The following HDAC9 variants were observed in gnomAD, a reference collection of about 807,000 sequenced individuals.
HDAC9 encodes the protein histone deacetylase 9, also known as MEF-2 interacting transcription repressor (MITR) protein.
In HDAC9, 41 loss-of-function variants were observed where a neutral mutation model predicts 139.4. The ratio of observed to expected loss-of-function variants is 0.29; its 90% CI spans 0.23 to 0.38. HDAC9 has a LOEUF of 0.38. Ranked by LOEUF, HDAC9 falls within the 10% of genes least tolerant of loss-of-function variation. The pLI is 1.00. For missense variants in HDAC9, 1,147 were observed against 1,297.0 expected, an observed-to-expected ratio of 0.88 and a Z score of 1.78; for synonymous variants, 517 against 476.2, an observed-to-expected ratio of 1.09 and a Z score of -1.12.
intron 2 of HDAC9, among the ~76,000 whole-genome samples, chr7:18,215,131 A>G (rs1484847342): frequency 6.6e-6 from 1 of 152,114 alleles, no homozygotes; most frequent in African/African-American, 2.4e-5. Flanking sequence ...ATTCTATTCT[A>G]CCCTATTCTA....
At chr7:18,950,791 G>GA (rs2129321816) in intron 23 of HDAC9, among the ~76,000 whole-genome samples, 1 of 151,740 alleles carries the variant, frequency 6.6e-6, no homozygotes, top group South Asian at 2.1e-4. Flanking sequence ...AAAGAAGAAT[G>GA]AAAAAAATAG....
intron 1 of HDAC9, among the ~76,000 whole-genome samples, chr7:18,126,958 CTG>C (rs1784711608): frequency 6.6e-6 from 1 of 152,138 alleles, no homozygotes; most frequent in Admixed American, 6.5e-5. Context: ...CCAGACAAAA[CTG>C]TGAAGTACGT....
At chr7:18,463,662 T>C (rs2128112199) in intron 1 of HDAC9, among the ~76,000 whole-genome samples, 1 of 152,058 alleles carries the variant, frequency 6.6e-6, no homozygotes, top group East Asian at 1.9e-4. Flanking sequence ...TAACTTTTAT[T>C]TCTTTTTCTA....
intron 1 of HDAC9, among the ~76,000 whole-genome samples, chr7:18,445,246 T>G (rs1166106901): frequency 6.6e-6 from 1 of 152,240 alleles, no homozygotes; most frequent in African/African-American, 2.4e-5. Flanking sequence ...GTTAGTTCTA[T>G]TAGCTCAACT....
At chr7:18,790,920 G>A (rs571197549) in intron 16 of HDAC9, among the ~76,000 whole-genome samples, 10 of 152,020 alleles carry the variant, frequency 6.6e-5, no homozygotes, top group Middle Eastern at 3.4e-3. Context: ...ACCCCCACCC[G>A]GCAACTCACA....
At chr7:18,541,064 A>G (rs1812665496) in intron 2 of HDAC9, among the ~76,000 whole-genome samples, 1 of 149,768 alleles carries the variant, frequency 6.7e-6, no homozygotes. Context: ...TACTAAATAC[A>G]TGGCATCTAT....
intron 25 of HDAC9, among the ~76,000 whole-genome samples, chr7:18,991,890 G>GC (rs1427062417): frequency 2.6e-5 from 4 of 152,200 alleles, no homozygotes; most frequent in African/African-American, 9.7e-5. Context: ...TTCTATGAGA[G>GC]CAGGGATGTT....
At chr7:18,871,451 T>C (rs573609223) in intron 21 of HDAC9, among the ~76,000 whole-genome samples, 2 of 152,296 alleles carry the variant, frequency 1.3e-5, no homozygotes, top group Admixed American at 6.5e-5. Context: ...CCATTGCTTT[T>C]AGGAAATATA....
At chr7:18,644,590 A>G in intron 8 of HDAC9, 81 bp from the exon 9 acceptor site, 2 of 1,179,650 alleles carry the variant, frequency 1.7e-6, no homozygotes, top group Non-Finnish European at 2.4e-6. Context: ...TTATGGTAAG[A>G]CCCATTTTCT....
chr7:18,448,911 G>A (rs913511397), intron 1 of HDAC9, among the ~76,000 whole-genome samples: 1 of 152,018 alleles, frequency 6.6e-6, no homozygotes, highest in African/African-American at 2.4e-5. Flanking sequence ...TAATAATAAA[G>A]TGACAGAATC....
chr7:18,299,566 G>A (rs986254482), intron 1 of HDAC9, among the ~76,000 whole-genome samples: 5 of 152,178 alleles, frequency 3.3e-5, no homozygotes, highest in African/African-American at 1.2e-4. Flanking sequence ...CTTGAAATGA[G>A]GTGACATAAT....
At chr7:18,896,627 C>T (rs1343442435) in intron 22 of HDAC9, among the ~76,000 whole-genome samples, 2 of 152,074 alleles carry the variant, frequency 1.3e-5, no homozygotes, top group African/African-American at 2.4e-5. Context: ...CTTTGTCCCT[C>T]ATGAATAACA....
At chr7:18,819,153 A>C (rs1420959155) in intron 17 of HDAC9, among the ~76,000 whole-genome samples, 1 of 152,124 alleles carries the variant, frequency 6.6e-6, no homozygotes. Context: ...TATGGTGCGC[A>C]CTTGCAATCC....
chr7:18,711,110 G>A (rs1314752280), intron 12 of HDAC9, among the ~76,000 whole-genome samples: 1 of 152,054 alleles, frequency 6.6e-6, no homozygotes, highest in African/African-American at 2.4e-5. Flanking sequence ...ATTTAATTTC[G>A]ACAACAATCT....
At chr7:18,918,421 A>G (rs1803402633) in intron 22 of HDAC9, among the ~76,000 whole-genome samples, 1 of 152,008 alleles carries the variant, frequency 6.6e-6, no homozygotes, top group Non-Finnish European at 1.5e-5. Context: ...AAGAGAGATA[A>G]AACTGTTAAT....
At chr7:18,899,919 C>G (rs1170887196) in intron 22 of HDAC9, among the ~76,000 whole-genome samples, 1 of 151,922 alleles carries the variant, frequency 6.6e-6, no homozygotes, top group Non-Finnish European at 1.5e-5. Flanking sequence ...TGATAATGTG[C>G]ATTTTCTGAA....
chr7:18,469,750 A>G (rs891907833), intron 1 of HDAC9, among the ~76,000 whole-genome samples: 1 of 152,166 alleles, frequency 6.6e-6, no homozygotes, highest in Non-Finnish European at 1.5e-5. Flanking sequence ...GTGAGTTACA[A>G]TTCCTTCCTG....
chr7:18,678,001 T>A lies in HDAC9; in HGVS notation c.1731+11525T>A, dbSNP rs150344975. Among the ~76,000 whole-genome samples, 141 of 152,060 alleles carry A rather than the reference T, an allele frequency of 9.3e-4. 1 individual carries two copies. The highest frequency in any genetic ancestry group is 3.2e-3 in the African/African-American group (134 of 41,554). On this transcript the variant is annotated intron_variant, in intron 12 of 25. Coordinates refer to ENST00000686413, the MANE Select transcript of HDAC9 (RefSeq NM_178425.4). ...ATTTTTATATGATGTGAAGACAGGT[T>A]GAGTTTCATTATCTTACAGGATTCG...
At position 18,767,042 on chromosome 7, in the gene HDAC9, C is replaced by G. The variant is rs1789888173; in HGVS notation, c.2165-64C>G. The stretch of plus-strand genomic sequence containing the variant: ...ACATATTATTATGTGTTAATAAATG[C>G]CAACATTTTAAAAATTATATAACCT... On this transcript the variant is annotated intron_variant, in intron 15 of 25. Transcript: ENST00000686413. The G allele has an allele frequency of 8.0e-6, 6 of 748,770 alleles. No individual in the cohort carries two copies. In the East Asian group the frequency reaches 1.2e-4, roughly 15 times the overall value. 46.4% of individuals were successfully genotyped at this position (748,770 alleles called of 1,614,324 possible).
Sources: allele counts gnomAD v4.1 joint callset (sites outside exome capture counted in the v4.1 genomes callset), GRCh38; gene constraint gnomAD v4.1.1; transcripts MANE v1.5; gene names NCBI Gene and HGNC (gene_info 2026-07-23, HGNC 2026-07-21).